Variants in CDH4 observed in about 807,000 individuals in gnomAD.
CDH4 encodes the protein cadherin-4.
Under a neutral mutation model 86.0 loss-of-function variants are expected in CDH4, and 33 were observed. The observed-to-expected ratio is 0.38, with a 90% CI of 0.29 to 0.51. The LOEUF (loss-of-function observed/expected upper bound fraction) is 0.51, where lower values mean the gene tolerates loss of function less well. Among genes scored for constraint, CDH4 ranks in the 20% least tolerant of loss-of-function variants. The probability of loss-of-function intolerance (pLI) is 0.86; values close to 1 mark genes in which losing one functional copy is unlikely to be tolerated. For missense variants in CDH4, 1,114 were observed against 1,307.4 expected (o/e 0.85, Z 2.28); for synonymous variants, 555 against 549.4 (o/e 1.01, Z -0.14).
intron 2 of CDH4, among the ~76,000 whole-genome samples, chr20:61,405,391 T>G (rs902683589): frequency 1.3e-5 from 2 of 151,990 alleles, no homozygotes; most frequent in African/African-American, 4.8e-5. Context: ...TGTTTTACAG[T>G]GCGGCCCTTT....
chr20:61,518,741 TCATC>T lies in CDH4; in HGVS notation c.170-224814_170-224811del, dbSNP rs1370300711. Among the ~76,000 whole-genome samples, 1 of 151,268 alleles carries T rather than the reference TCATC, an allele frequency of 6.6e-6. No homozygotes were observed. Among genetic ancestry groups the T allele is most frequent in the African/African-American group, 2.4e-5 (1 of 41,098 alleles). On this transcript the variant is annotated intron_variant, in intron 2 of 15. Transcript: ENST00000614565. The surrounding 1 kb of genome is among the most constrained non-coding windows in gnomAD (Gnocchi z 6.3). The stretch of plus-strand genomic sequence containing the variant: ...ATCCGTTCATCCACCCATCATCCAT[TCATC>T]CATCCATTCGTACATCCACCCATCA...
chr20:61,899,987 G>T (rs1165332665), intron 8 of CDH4, among the ~76,000 whole-genome samples: 1 of 152,176 alleles, frequency 6.6e-6, no homozygotes, highest in East Asian at 1.9e-4. Context: ...GGTCCTTCTG[G>T]AAGTTCCCTC....
At chr20:61,782,123 A>G (rs1978578568) in intron 4 of CDH4, among the ~76,000 whole-genome samples, 1 of 152,190 alleles carries the variant, frequency 6.6e-6, no homozygotes, top group Non-Finnish European at 1.5e-5. Flanking sequence ...CCTGCCCAAC[A>G]TGGTGAAACC....
intron 4 of CDH4, among the ~76,000 whole-genome samples, chr20:61,824,109 C>T (rs1045638065): frequency 2.0e-5 from 3 of 152,208 alleles, no homozygotes; most frequent in Non-Finnish European, 4.4e-5. Context: ...AAAACCTCCT[C>T]ATTGTCCACC....
At chr20:61,308,387 T>G (rs1025780563) in intron 2 of CDH4, among the ~76,000 whole-genome samples, 1 of 152,184 alleles carries the variant, frequency 6.6e-6, no homozygotes, top group East Asian at 1.9e-4. Flanking sequence ...ATTAGTGGGA[T>G]CCGATGTCTT....
chr20:61,722,543 T>C (rs1159929233), intron 2 of CDH4, among the ~76,000 whole-genome samples: 5 of 152,178 alleles, frequency 3.3e-5, no homozygotes, highest in Non-Finnish European at 7.3e-5. Context: ...TCTAATCCCT[T>C]GTGGCCAGTC....
intron 2 of CDH4, among the ~76,000 whole-genome samples, chr20:61,443,946 G>T (rs111073632): frequency 1.1e-5 from 1 of 93,892 alleles, no homozygotes; most frequent in African/African-American, 5.0e-5. Flanking sequence ...GTGGATATCT[G>T]TGTGTGTGTC....
At chr20:61,852,987 C>A in intron 6 of CDH4, 89 bp downstream of exon 6, 2 of 1,384,770 alleles carry the variant, frequency 1.4e-6, no homozygotes, top group Non-Finnish European at 9.9e-7. Context: ...CTGCTTAGTC[C>A]CCGCTACCAG....
chr20:61,263,316 G>T (rs1220544533), intron 2 of CDH4, among the ~76,000 whole-genome samples: 1 of 152,162 alleles, frequency 6.6e-6, no homozygotes, highest in African/African-American at 2.4e-5. Flanking sequence ...TCTCTGGCTG[G>T]TGTCTGCTTT....
At chr20:61,753,434 C>T (rs1401118152) in intron 3 of CDH4, among the ~76,000 whole-genome samples, 1 of 152,192 alleles carries the variant, frequency 6.6e-6, no homozygotes, top group Non-Finnish European at 1.5e-5. Flanking sequence ...AGCAGCCTTT[C>T]TGTGGGCAAT....
At chr20:61,680,459 A>T (rs6089261) in intron 2 of CDH4, among the ~76,000 whole-genome samples, 48,731 of 152,090 alleles carry the variant, frequency 0.32, 9,699 homozygotes, top group Non-Finnish European at 0.46. Flanking sequence ...GGGGAGAGTG[A>T]GAAACAAGAC....
intron 7 of CDH4, among the ~76,000 whole-genome samples, chr20:61,882,547 G>A (rs1324547481): frequency 6.6e-6 from 1 of 152,224 alleles, no homozygotes; most frequent in East Asian, 1.9e-4. Context: ...CCTGGGCTAA[G>A]GGAGTGACCA....
intron 3 of CDH4, among the ~76,000 whole-genome samples, chr20:61,756,867 C>T (rs1452823861): frequency 2.0e-5 from 3 of 152,130 alleles, no homozygotes; most frequent in Non-Finnish European, 2.9e-5. Flanking sequence ...GCATATCTGC[C>T]TTGGGAAAGC....
intron 2 of CDH4, among the ~76,000 whole-genome samples, chr20:61,257,338 ATTTTG>A (rs1030608647): frequency 6.6e-6 from 1 of 152,228 alleles, no homozygotes; most frequent in African/African-American, 2.4e-5. Flanking sequence ...ATGTCGTGGC[ATTTTG>A]TTTTATGTCT....
At chr20:61,459,802 G>T (rs1454323592) in intron 2 of CDH4, among the ~76,000 whole-genome samples, 1 of 151,988 alleles carries the variant, frequency 6.6e-6, no homozygotes, top group Non-Finnish European at 1.5e-5. Context: ...GCTCACATGA[G>T]CGCTTCGCAG....
rs574959526 is a variant in CDH4, at chr20:61,802,226, C to T, written c.576+29044C>T. On this transcript the variant is annotated intron_variant, in intron 4 of 15. Transcript: ENST00000614565. ...TGTGGCAGCCCCAGAAAGGGCGCTA[C>T]ACACCCTGATCATGCTCTGTTCCCA... is the stretch of plus-strand genomic sequence containing the variant. 1.1e-4 allele frequency among the ~76,000 whole-genome samples: 16 copies of T among 152,358 alleles called. 1 individual carries two copies. In the East Asian group the frequency reaches 3.1e-3, roughly 29 times the overall value.
intron 2 of CDH4, among the ~76,000 whole-genome samples, chr20:61,701,667 A>T (rs1398985811): frequency 6.6e-6 from 1 of 152,206 alleles, no homozygotes; most frequent in Non-Finnish European, 1.5e-5. Flanking sequence ...GCAAGAAGGA[A>T]CGGACTCACC....
At chr20:61,770,335 C>T (rs2088759058) in intron 3 of CDH4, among the ~76,000 whole-genome samples, 1 of 152,216 alleles carries the variant, frequency 6.6e-6, no homozygotes. Context: ...TCAGATGCCT[C>T]CCGGCCAGCT....
rs537060617 is a variant in CDH4, at chr20:61,411,092, A to G, written c.169+156155A>G. 8.3e-4 allele frequency among the ~76,000 whole-genome samples: 123 copies of G among 148,798 alleles called. 3 individuals carry two copies. In the South Asian group the frequency reaches 0.017, roughly 21 times the overall value. On this transcript the variant is annotated intron_variant, in intron 2 of 15. Transcript: ENST00000614565. ...TGTTAGCCCATCTATCATTTCATCT[A>G]TTCTTCCAGTCATTCATCCGTCTTT...
Sources: gnomAD v4.1 joint callset for allele counts (sites outside exome capture counted in the v4.1 genomes callset) on GRCh38, gnomAD v4.1.1 for gene constraint, Gnocchi (gnomAD v3.1) non-coding constraint, MANE v1.5 for transcripts, NCBI Gene and HGNC (gene_info 2026-07-23, HGNC 2026-07-21) for gene names.